IL12RB1: variants seen among roughly 807,000 people sequenced by gnomAD.
IL12RB1 encodes interleukin-12 receptor subunit beta-1.
In IL12RB1, 64 loss-of-function variants were observed where a neutral mutation model predicts 94.4. That is an observed-to-expected ratio of 0.68 (90% CI 0.55 to 0.83). The LOEUF (loss-of-function observed/expected upper bound fraction) is 0.83. Ranked by LOEUF, IL12RB1 falls within the 40% of genes least tolerant of loss-of-function variation. The pLI is 0.00. For missense variants in IL12RB1, 814 were observed against 855.6 expected (o/e 0.95, Z 0.61); for synonymous variants, 362 against 355.5 (o/e 1.02, Z -0.21).
At chr19:18,094,419 A>G (rs560544101) in intron 1 of IL12RB1, among the ~76,000 whole-genome samples, 1 of 152,138 alleles carries the variant, frequency 6.6e-6, no homozygotes, top group Admixed American at 6.6e-5. Context: ...ATGAGCCAGC[A>G]CACACGGCCA....
At chr19:18,083,543 G>A (rs765882226) in intron 1 of IL12RB1, 52 bp from the exon 2 acceptor site, 2 of 1,580,812 alleles carry the variant, frequency 1.3e-6, no homozygotes, top group Non-Finnish European at 1.7e-6. Flanking sequence ...ACTGTGTGGG[G>A]AGAAGGGCTC....
Position 18,059,895 on chromosome 19 carries a change from T to G in IL12RB1, c.1982A>C (p.Lys661Thr). The G allele has an allele frequency of 6.6e-7, 1 of 1,520,468 alleles. No individual in the cohort carries two copies. The highest frequency in any genetic ancestry group is 8.9e-7 in the Non-Finnish European group (1 of 1,121,354). 94.2% of individuals were successfully genotyped at this position (1,520,468 alleles called of 1,614,324 possible). A position where few individuals can be genotyped will look rare whatever the true frequency, so the allele number is the denominator to read the frequency against. ...GTCTGGCCCACTGGGCCCCAGGACCTTGGCCTTGCACCTGTCTCCATCCTC... is the reference window on the plus strand; with the variant it reads ...GTCTGGCCCACTGGGCCCCAGGACCGTGGCCTTGCACCTGTCTCCATCCTC... ...SLEDGDRCKAKM is the reference protein window; with the variant it reads ...SLEDGDRCKATM The change falls in exon 16 of 17, where the codon AAG becomes ACG. Residue 661 changes from lysine (K) to threonine (T), a missense_variant and splice_region_variant. Lys to Thr is a moderately conservative substitution (Grantham distance 78). Transcript: ENST00000593993.
chr19:18,076,428 G>A (rs554115172), intron 5 of IL12RB1, 101 bp from the exon 6 acceptor site: 6 of 720,336 alleles, frequency 8.3e-6, no homozygotes, highest in African/African-American at 3.5e-5. Context: ...TCTGAGACAC[G>A]GTCTCACTCT....
chr19:18,083,650 CATGT>C (rs2036074132), intron 1 of IL12RB1, among the ~76,000 whole-genome samples, 159 bp from the exon 2 acceptor site: 1 of 151,366 alleles, frequency 6.6e-6, no homozygotes, highest in Non-Finnish European at 1.5e-5. Flanking sequence ...TCCATCTGCC[CATGT>C]ATTTATCTGC....
At chr19:18,090,100 G>A (rs2036566526), upstream of IL12RB1, among the ~76,000 whole-genome samples, 1 of 152,196 alleles carries the variant, frequency 6.6e-6, no homozygotes. Context: ...GGTGGATTAT[G>A]CCTGTAATCC....
At chr19:18,077,085 A>C (rs2146330179) in intron 5 of IL12RB1, among the ~76,000 whole-genome samples, 1 of 152,250 alleles carries the variant, frequency 6.6e-6, no homozygotes, top group South Asian at 2.1e-4. Flanking sequence ...AGTGGGAGCA[A>C]GGCGTGGTGG....
At chr19:18,081,072 C>G (rs868209943) in intron 3 of IL12RB1, 71 bp from the exon 4 acceptor site, 2 of 1,344,942 alleles carry the variant, frequency 1.5e-6, no homozygotes, top group Non-Finnish European at 2.1e-6. Context: ...CTTTGTGCAT[C>G]ACATCCCAGC....
chr19:18,063,777 A>G (rs1169760383), intron 13 of IL12RB1, 99 bp downstream of exon 13: 1 of 1,101,462 alleles, frequency 9.1e-7, no homozygotes, highest in East Asian at 2.6e-5. Flanking sequence ...AGGGAGCCAT[A>G]GAGGGAGTGA....
Position 18,072,267 on chromosome 19 carries a change from A to T in IL12RB1, c.866T>A (p.Leu289Gln). 6.2e-7 allele frequency: 1 copy of T among 1,614,124 alleles called. No individual in the cohort carries two copies. The highest frequency in any genetic ancestry group is 1.3e-5 in the African/African-American group (1 of 75,048). Residue 289 changes from leucine (L) to glutamine (Q), a missense_variant, in exon 9 of 17, where the codon CTG becomes CAG. Leu to Gln is a moderately radical substitution (Grantham distance 113). Coordinates refer to ENST00000593993, the MANE Select transcript of IL12RB1 (RefSeq NM_005535.3). ...GGCCTTGGCCTTACACGGGCAGGAC[A>T]GCATGTGGAGCTGTAGTCGGTAAGT... ...EVTYRLQLHM[L>Q]SCPCKAKATR...
chr19:18,082,123 G>T, intron 3 of IL12RB1, 27 bp downstream of exon 3: 1 of 1,399,480 alleles, frequency 7.1e-7, no homozygotes, highest in Non-Finnish European at 1.0e-6. Context: ...GTGGGTGAGG[G>T]TTTGGGAATG....
intron 15 of IL12RB1, among the ~76,000 whole-genome samples, chr19:18,060,613 C>T (rs542782775): frequency 6.6e-6 from 1 of 152,158 alleles, no homozygotes; most frequent in African/African-American, 2.4e-5. Flanking sequence ...GTGCAGTGAC[C>T]CCACCTCAGC....
intron 13 of IL12RB1, among the ~76,000 whole-genome samples, chr19:18,063,078 A>ATTTTTTTTTTTTTTT (rs67262412): frequency 1.9e-5 from 1 of 51,462 alleles, no homozygotes; most frequent in African/African-American, 1.0e-4. Flanking sequence ...TTCTTCTTCT[A>ATTTTTTTTTTTTTTT]TTTTTTTTTT....
rs142427383 is a variant in IL12RB1, at chr19:18,072,140, C to T, written c.993G>A (p.Thr331=). Residue 331 remains threonine (T), a synonymous_variant, in exon 9 of 17, where the codon ACG becomes ACA. Coordinates refer to ENST00000593993, the MANE Select transcript of IL12RB1 (RefSeq NM_005535.3). ...SNQFGPGLNQ[T]WHIPADTHTE... ...TGTGGGTGTCGGCAGGAATGTGCCACGTCTGGTTCAGGCCAGGACCAAATT... is the reference window on the plus strand; with the variant it reads ...TGTGGGTGTCGGCAGGAATGTGCCATGTCTGGTTCAGGCCAGGACCAAATT... 38 of 1,613,932 alleles carry T rather than the reference C, an allele frequency of 2.4e-5. 1 individual carries two copies. In the South Asian group the frequency reaches 2.6e-4, roughly 11 times the overall value.
At chr19:18,063,774 C>A (rs2034348458) in intron 13 of IL12RB1, 102 bp downstream of exon 13, 2 of 1,072,072 alleles carry the variant, frequency 1.9e-6, no homozygotes, top group Non-Finnish European at 2.7e-6. Flanking sequence ...AGTAGGGAGC[C>A]ATAGAGGGAG....
chr19:18,080,495 C>T (rs2035816980), intron 4 of IL12RB1, among the ~76,000 whole-genome samples: 1 of 152,088 alleles, frequency 6.6e-6, no homozygotes, highest in African/African-American at 2.4e-5. Context: ...CCTCAGCCTC[C>T]CAAAGTGCTG....
At chr19:18,064,738 T>G (rs985394749) in intron 12 of IL12RB1, among the ~76,000 whole-genome samples, 4 of 152,116 alleles carry the variant, frequency 2.6e-5, no homozygotes, top group Non-Finnish European at 5.9e-5. Context: ...CCTCCCAAAG[T>G]GCTGGGATTA....
At chr19:18,083,130 G>T (rs1052522603) in intron 2 of IL12RB1, 6 of 548,086 alleles carry the variant, frequency 1.1e-5, no homozygotes, top group South Asian at 8.3e-5. Context: ...TCAGGTTGGG[G>T]GGGGGGCTTC....
At chr19:18,088,375 C>T (rs927916053), upstream of IL12RB1, among the ~76,000 whole-genome samples, 1 of 117,016 alleles carries the variant, frequency 8.5e-6, no homozygotes, top group African/African-American at 3.4e-5. Flanking sequence ...AACAGAGTGA[C>T]ACTCCATCTC....
intron 1 of IL12RB1, among the ~76,000 whole-genome samples, chr19:18,094,645 C>T (rs1035348719): frequency 3.3e-5 from 5 of 152,134 alleles, no homozygotes; most frequent in Non-Finnish European, 7.3e-5. Context: ...AGGAGGATCG[C>T]TTGAGCCCAA....
Sources: allele counts gnomAD v4.1 joint callset (sites outside exome capture counted in the v4.1 genomes callset), GRCh38; gene constraint gnomAD v4.1.1; transcripts MANE v1.5; gene names NCBI Gene and HGNC (gene_info 2026-07-23, HGNC 2026-07-21).